Variants in BMP5 observed in about 807,000 individuals in gnomAD.
BMP5 encodes the protein bone morphogenetic protein 5.
In BMP5, 23 loss-of-function variants were observed where a neutral mutation model predicts 46.6. That is an observed-to-expected ratio of 0.49 (90% CI 0.35 to 0.70). BMP5 has a LOEUF of 0.70. BMP5 is among the 30% of genes least tolerant of loss of function. BMP5 has a pLI of 0.00. For synonymous variants in BMP5, 204 were observed against 191.9 expected, an observed-to-expected ratio of 1.06 and a Z score of -0.52; for missense variants, 545 against 565.6, an observed-to-expected ratio of 0.96 and a Z score of 0.37.
intron 2 of BMP5, among the ~76,000 whole-genome samples, chr6:55,818,524 CA>C (rs952350817): frequency 6.6e-6 from 1 of 151,748 alleles, no homozygotes; most frequent in Non-Finnish European, 1.5e-5. Context: ...AATTCAAGAC[CA>C]AAATTAAATT....
chr6:55,830,245 G>A (rs777062002), intron 1 of BMP5, among the ~76,000 whole-genome samples: 1 of 152,020 alleles, frequency 6.6e-6, no homozygotes, highest in African/African-American at 2.4e-5. Flanking sequence ...TTTAACAGGT[G>A]CCAGAATCAA....
chr6:55,802,164 A>G (rs754007427), intron 2 of BMP5, among the ~76,000 whole-genome samples: 9 of 152,316 alleles, frequency 5.9e-5, no homozygotes, highest in Non-Finnish European at 1.2e-4. Flanking sequence ...TCTGACTCCC[A>G]AGACATTGGG....
intron 2 of BMP5, among the ~76,000 whole-genome samples, chr6:55,800,926 A>G (rs944045934): frequency 6.6e-6 from 1 of 152,136 alleles, no homozygotes; most frequent in African/African-American, 2.4e-5. Context: ...TGCTTTCCTT[A>G]TCTTGAAGAA....
At chr6:55,849,932 T>A (rs1477811262) in intron 1 of BMP5, among the ~76,000 whole-genome samples, 1 of 152,110 alleles carries the variant, frequency 6.6e-6, no homozygotes, top group Non-Finnish European at 1.5e-5. Context: ...TACAGTACAT[T>A]TTCTGGTGGA....
At chr6:55,854,381 A>T (rs1777334270) in intron 1 of BMP5, among the ~76,000 whole-genome samples, 1 of 152,002 alleles carries the variant, frequency 6.6e-6, no homozygotes, top group African/African-American at 2.4e-5. Context: ...ATTGATCAAT[A>T]TTTTTTCATT....
At chr6:55,810,631 A>G (rs1776108695) in intron 2 of BMP5, among the ~76,000 whole-genome samples, 1 of 152,218 alleles carries the variant, frequency 6.6e-6, no homozygotes, top group South Asian at 2.1e-4. Flanking sequence ...CTTTCATCTT[A>G]TGAGTCTTAT....
At chr6:55,835,277 T>C (rs1398505201) in intron 1 of BMP5, among the ~76,000 whole-genome samples, 1 of 151,972 alleles carries the variant, frequency 6.6e-6, no homozygotes, top group Admixed American at 6.6e-5. Flanking sequence ...TTCTCAACAA[T>C]GAAAAAATAA....
At chr6:55,833,911 T>C (rs992989056) in intron 1 of BMP5, among the ~76,000 whole-genome samples, 1 of 152,126 alleles carries the variant, frequency 6.6e-6, no homozygotes, top group African/African-American at 2.4e-5. Flanking sequence ...ATGATGACTA[T>C]AAAAATTTTA....
At chr6:55,836,469 A>G (rs967461501) in intron 1 of BMP5, among the ~76,000 whole-genome samples, 1 of 152,136 alleles carries the variant, frequency 6.6e-6, no homozygotes, top group Non-Finnish European at 1.5e-5. Flanking sequence ...TGAGAAATCT[A>G]AATTGACAAA....
At chr6:55,806,256 G>GA (rs1287605395) in intron 2 of BMP5, among the ~76,000 whole-genome samples, 1 of 152,188 alleles carries the variant, frequency 6.6e-6, no homozygotes, top group Non-Finnish European at 1.5e-5. Flanking sequence ...TAAGGTGTAA[G>GA]AAAGGGGTCC....
At chr6:55,803,305 C>CA (rs1775898796) in intron 2 of BMP5, among the ~76,000 whole-genome samples, 1 of 147,538 alleles carries the variant, frequency 6.8e-6, no homozygotes, top group African/African-American at 2.5e-5. Flanking sequence ...TCAAACAAAA[C>CA]AAAACAAACA....
chr6:55,761,597 G>T (rs1428384546), intron 4 of BMP5, among the ~76,000 whole-genome samples: 2 of 151,866 alleles, frequency 1.3e-5, no homozygotes, highest in African/African-American at 4.8e-5. Context: ...TCTCTCACTA[G>T]TCCCTCTCCC....
At chr6:55,868,365 C>G (rs1477085361) in intron 1 of BMP5, among the ~76,000 whole-genome samples, 1 of 152,102 alleles carries the variant, frequency 6.6e-6, no homozygotes, top group Non-Finnish European at 1.5e-5. Flanking sequence ...AGTCATAAAA[C>G]AGCACAACCT....
chr6:55,836,804 G>T (rs1776806226), intron 1 of BMP5, among the ~76,000 whole-genome samples: 1 of 152,064 alleles, frequency 6.6e-6, no homozygotes, highest in Non-Finnish European at 1.5e-5. Context: ...CCAGTGCAAA[G>T]AATCAGTGTT....
At chr6:55,773,008 C>A in intron 4 of BMP5, 1 of 747,418 alleles carries the variant, frequency 1.3e-6, no homozygotes, top group Middle Eastern at 6.8e-4. Flanking sequence ...TATGACCTGT[C>A]ATTTTCAAGT....
intron 4 of BMP5, among the ~76,000 whole-genome samples, chr6:55,772,542 A>G (rs1360765029): frequency 2.0e-5 from 3 of 151,966 alleles, no homozygotes; most frequent in Non-Finnish European, 4.4e-5. Context: ...AGAAAAATAT[A>G]CAAGTTTGAC....
intron 1 of BMP5, among the ~76,000 whole-genome samples, chr6:55,868,147 C>A (rs537920323): frequency 6.6e-6 from 1 of 152,252 alleles, no homozygotes; most frequent in South Asian, 2.1e-4. Flanking sequence ...GTTAATAAAT[C>A]TTTTCTTGAT....
chr6:55,838,393 A>G (rs781363939), intron 1 of BMP5, among the ~76,000 whole-genome samples: 25 of 152,158 alleles, frequency 1.6e-4, no homozygotes, highest in South Asian at 6.2e-4. Flanking sequence ...CTGATGATCA[A>G]TGATGTTGAG....
intron 1 of BMP5, among the ~76,000 whole-genome samples, chr6:55,838,348 G>A (rs1413991070): frequency 6.6e-6 from 1 of 152,152 alleles, no homozygotes; most frequent in Non-Finnish European, 1.5e-5. Flanking sequence ...ACTGGGGTGA[G>A]CTGATATCTC....
Sources: gnomAD v4.1 joint callset for allele counts (sites outside exome capture counted in the v4.1 genomes callset) on GRCh38, gnomAD v4.1.1 for gene constraint, MANE v1.5 for transcripts, NCBI Gene and HGNC (gene_info 2026-07-23, HGNC 2026-07-21) for gene names.